Variants in ARAP2 observed in about 807,000 individuals in gnomAD.
ARAP2 encodes the protein arf-GAP with Rho-GAP domain, ANK repeat and PH domain-containing protein 2.
A neutral mutation model predicts 194.5 loss-of-function variants in ARAP2; 148 were observed. The ratio of observed to expected loss-of-function variants is 0.76; its 90% confidence interval spans 0.67 to 0.87. The LOEUF (loss-of-function observed/expected upper bound fraction) is 0.87. ARAP2 is among the 40% of genes least tolerant of loss of function. The probability of loss-of-function intolerance (pLI) is 0.00; values close to 1 mark genes in which losing one functional copy is unlikely to be tolerated. For missense variants in ARAP2, 2,128 were observed against 1,989.7 expected (o/e 1.07, Z -1.32); for synonymous variants, 695 against 683.5 (o/e 1.02, Z -0.26).
chr4:36,149,379 T>C (rs1025857659), intron 16 of ARAP2, among the ~76,000 whole-genome samples: 6 of 152,198 alleles, frequency 3.9e-5, no homozygotes, highest in Non-Finnish European at 5.9e-5. Flanking sequence ...TTAGTCTCTC[T>C]TCCTCCAATC....
chr4:36,068,130 C>T lies in ARAP2; in HGVS notation c.4892G>A (p.Arg1631Gln), dbSNP rs147722863. The change falls in exon 33 of 33, where the codon CGG (arginine) becomes CAG (glutamine). Residue 1631 changes from arginine to glutamine, a missense_variant. Transcript: ENST00000303965. Reference protein sequence around the residue: ...DKLRNRPRKHRSFNCLEDTEP... With the variant: ...DKLRNRPRKHQSFNCLEDTEP... ...TGTGTCCTCCAGGCAGTTGAAACTC[C>T]GATGTTTTCGGGGTCGATTTCGAAG... 260 of 1,614,090 alleles carry T rather than the reference C, an allele frequency of 1.6e-4. No homozygotes were observed. In the African/African-American group the frequency reaches 2.9e-3, roughly 18 times the overall value.
intron 6 of ARAP2, among the ~76,000 whole-genome samples, chr4:36,201,472 T>C (rs1000792015): frequency 2.0e-5 from 3 of 152,296 alleles, no homozygotes; most frequent in South Asian, 4.1e-4. Context: ...AGCCTGAGTT[T>C]TATCTCATTT....
chr4:36,228,459 G>T (rs1750799108), intron 2 of ARAP2, 123 bp downstream of exon 2: 7 of 1,008,520 alleles, frequency 6.9e-6, no homozygotes, highest in Non-Finnish European at 9.8e-6. Flanking sequence ...AAAAGAAAAG[G>T]TTGGTTGAAT....
intron 5 of ARAP2, among the ~76,000 whole-genome samples, chr4:36,019,951 G>A (rs537774934): frequency 3.2e-4 from 49 of 152,160 alleles, no homozygotes; most frequent in African/African-American, 1.2e-3. Context: ...TATATACTAT[G>A]TTTTTTTCCC....
chr4:36,011,778 A>T (rs1400332916), intron 9 of ARAP2, among the ~76,000 whole-genome samples: 1 of 152,152 alleles, frequency 6.6e-6, no homozygotes, highest in Non-Finnish European at 1.5e-5. Flanking sequence ...TCACAGTTTT[A>T]AAAGGTTGTA....
intron 5 of ARAP2, among the ~76,000 whole-genome samples, chr4:36,027,242 A>G (rs1174521344): frequency 6.8e-6 from 1 of 147,594 alleles, no homozygotes; most frequent in East Asian, 1.9e-4. Context: ...ATCTCTATTT[A>G]AAGATGAGTA....
intron 8 of ARAP2, among the ~76,000 whole-genome samples, chr4:36,185,528 T>C (rs2109883192): frequency 6.6e-6 from 1 of 152,168 alleles, no homozygotes; most frequent in African/African-American, 2.4e-5. Flanking sequence ...GGAAACGTTT[T>C]AGTAGTATAT....
At chr4:36,061,732 AC>A (rs1724475841), downstream of ARAP2, among the ~76,000 whole-genome samples, 1 of 151,666 alleles carries the variant, frequency 6.6e-6, no homozygotes, top group Admixed American at 6.6e-5. Flanking sequence ...TTCTTGAGGA[AC>A]CTCCCATTGT....
chr4:36,191,982 C>T (rs547827655), intron 7 of ARAP2, among the ~76,000 whole-genome samples: 1 of 152,130 alleles, frequency 6.6e-6, no homozygotes, highest in South Asian at 2.1e-4. Flanking sequence ...TCCCAAAGGC[C>T]CAACCACATG....
intron 9 of ARAP2, among the ~76,000 whole-genome samples, chr4:36,008,484 G>A (rs1380910799): frequency 1.3e-5 from 2 of 151,992 alleles, no homozygotes; most frequent in Admixed American, 1.3e-4. Flanking sequence ...TAGCTAGCAT[G>A]TCTATATGCA....
In ARAP2 at chr4:36,095,643, T is replaced by C. The variant is rs373203930; in HGVS notation, c.4286-3623A>G. 6.6e-5 allele frequency among the ~76,000 whole-genome samples: 10 copies of C among 152,288 alleles called. No homozygotes were observed. In the East Asian group the frequency reaches 1.5e-3, roughly 24 times the overall value. ...GGCAAAACTGACAATGTGCCACACGTAGAAATCATTTCAACTAATTTTTGT... is the reference window on the plus strand; with the variant it reads ...GGCAAAACTGACAATGTGCCACACGCAGAAATCATTTCAACTAATTTTTGT... On this transcript the variant is annotated intron_variant, in intron 27 of 32. Transcript: ENST00000303965.
chr4:36,158,230 C>T (rs557361837), intron 15 of ARAP2, among the ~76,000 whole-genome samples: 1 of 152,058 alleles, frequency 6.6e-6, no homozygotes, highest in East Asian at 1.9e-4. Context: ...ATTGTTAAAT[C>T]AGATTCCCAT....
At chr4:36,017,033 G>A (rs963686136) in intron 6 of ARAP2, among the ~76,000 whole-genome samples, 3 of 151,848 alleles carry the variant, frequency 2.0e-5, no homozygotes, top group Non-Finnish European at 2.9e-5. Flanking sequence ...GTGCTCATTT[G>A]TTTTACCATA....
At chr4:36,065,971 T>C (rs952834834), downstream of ARAP2, 1 of 152,190 alleles carries the variant, frequency 6.6e-6, no homozygotes, top group African/African-American at 2.4e-5. Flanking sequence ...ATAACAACCT[T>C]CAACTTCTGA....
rs150613385 is a variant in ARAP2 at position 36,067,692 on chromosome 4, C to A, written c.*215G>T. ...TCTTACACACGTTAATACAATGGAA[C>A]TTTACAAGGTTTGTTCAGACCAAAA... On this transcript the variant is annotated 3_prime_UTR_variant, in exon 33 of 33. Coordinates refer to ENST00000303965, the MANE Select transcript of ARAP2 (RefSeq NM_015230.4). 62 of 469,972 alleles carry A rather than the reference C, an allele frequency of 1.3e-4. No individual in the cohort carries two copies. Among genetic ancestry groups the A allele is most frequent in the African/African-American group, 5.1e-4 (26 of 50,706 alleles). The allele number at this position is 469,972 out of a possible 1,614,324, so 29.1% of individuals were successfully genotyped here. A position where few individuals can be genotyped will look rare whatever the true frequency, so the allele number is the denominator to read the frequency against.
At chr4:36,051,997 G>A (rs1722748540) in intron 3 of ARAP2, 1 of 152,096 alleles carries the variant, frequency 6.6e-6, no homozygotes, top group African/African-American at 2.4e-5. Flanking sequence ...CACCTTTAAC[G>A]AAACTAACCA....
At chr4:36,061,999 A>AT (rs547218946), downstream of ARAP2, among the ~76,000 whole-genome samples, 100 of 152,140 alleles carry the variant, frequency 6.6e-4, 1 homozygote, top group South Asian at 7.0e-3. Flanking sequence ...AAATTATTAG[A>AT]TTTTTTCCTG....
chr4:36,068,138 T>C lies in ARAP2; in HGVS notation c.4884A>G (p.Arg1628=). The part of the protein sequence containing the change: ...HKDDKLRNRP[R]KHRSFNCLED... The stretch of plus-strand genomic sequence containing the variant: ...CCAGGCAGTTGAAACTCCGATGTTT[T>C]CGGGGTCGATTTCGAAGTTTATCGT... The change falls in exon 33 of 33, where the codon CGA becomes CGG. Residue 1628 remains arginine (R), a synonymous_variant. Coordinates refer to ENST00000303965, the MANE Select transcript of ARAP2 (RefSeq NM_015230.4). 1 of 1,614,172 alleles carries C rather than the reference T, an allele frequency of 6.2e-7. No homozygotes were observed. The highest frequency in any genetic ancestry group is 8.5e-7 in the Non-Finnish European group (1 of 1,180,004).
chr4:36,091,994 C>A lies in ARAP2; in HGVS notation c.4312G>T (p.Glu1438Ter). The A allele has an allele frequency of 6.2e-7, 1 of 1,602,380 alleles. No homozygotes were observed. The highest frequency in any genetic ancestry group is 8.5e-7 in the Non-Finnish European group (1 of 1,171,222). The change falls in exon 28 of 33, where the codon GAA becomes TAA. Residue 1438 changes from glutamate (E) to a stop codon, truncating the protein, a stop_gained. Coordinates refer to ENST00000303965, the MANE Select transcript of ARAP2 (RefSeq NM_015230.4). LOFTEE classifies it high-confidence loss of function. Reference protein sequence around the residue: ...SDRSTLGSIKEGILKIKEEPS... With the variant: ...SDRSTLGSIK ...TCTTCTTTGATTTTCAAGATTCCTT[C>A]TTTGATGCTTCCCAGTGTACTCCGG... is the stretch of plus-strand genomic sequence containing the variant.
Sources: gnomAD v4.1 joint callset for allele counts (sites outside exome capture counted in the v4.1 genomes callset) on GRCh38, gnomAD v4.1.1 for gene constraint, MANE v1.5 for transcripts, NCBI Gene and HGNC (gene_info 2026-07-23, HGNC 2026-07-21) for gene names.